Variants in SLC14A2 observed in about 807,000 individuals in gnomAD.
The protein encoded by SLC14A2 is urea transporter 2.
In SLC14A2, 91 loss-of-function variants were observed where a neutral mutation model predicts 104.6. That is an observed-to-expected ratio of 0.87 (90% CI 0.73 to 1.04). SLC14A2 has a LOEUF of 1.04. SLC14A2 is among the 50% of genes least tolerant of loss of function. The pLI is 0.00. For synonymous variants in SLC14A2, 476 were observed against 466.4 expected (o/e 1.02, Z -0.27); for missense variants, 1,189 against 1,156.0 (o/e 1.03, Z -0.41).
chr18:45,183,789 G>T, the SLC14A2 span, among the ~76,000 whole-genome samples: 1 of 151,272 alleles, frequency 6.6e-6, no homozygotes, highest in Non-Finnish European at 1.5e-5. Context: ...TGGATGGAGT[G>T]CAGTGGTGTG....
chr18:45,264,250 T>C (rs145559315), intron 1 of SLC14A2, among the ~76,000 whole-genome samples: 5 of 152,300 alleles, frequency 3.3e-5, no homozygotes, highest in African/African-American at 1.2e-4. Flanking sequence ...TCATTATTTA[T>C]TTATTTATTC....
At chr18:45,557,680 A>G (rs1052923967) in intron 2 of SLC14A2, among the ~76,000 whole-genome samples, 2 of 152,034 alleles carry the variant, frequency 1.3e-5, no homozygotes, top group East Asian at 3.9e-4. Context: ...TTGGGCCTGG[A>G]GTTTGTGAGT....
At chr18:45,572,056 C>A (rs2144338175) in intron 2 of SLC14A2, among the ~76,000 whole-genome samples, 1 of 152,214 alleles carries the variant, frequency 6.6e-6, no homozygotes, top group East Asian at 1.9e-4. Context: ...TTAAAGCTCC[C>A]CAGTGATTCT....
intron 1 of SLC14A2, among the ~76,000 whole-genome samples, chr18:45,322,670 T>G (rs1325759648): frequency 6.6e-6 from 1 of 152,230 alleles, no homozygotes. Context: ...AATGTTGTGT[T>G]GAACTCTCAT....
At chr18:45,615,768 G>A (rs2045055799) in intron 1 of SLC14A2, among the ~76,000 whole-genome samples, 186 bp downstream of exon 1, 1 of 151,960 alleles carries the variant, frequency 6.6e-6, no homozygotes, top group Admixed American at 6.5e-5. Flanking sequence ...CCACCTCGGG[G>A]CAGCTTGTGT....
intron 1 of SLC14A2, among the ~76,000 whole-genome samples, chr18:45,278,189 G>T (rs373911366): frequency 5.3e-5 from 8 of 152,204 alleles, no homozygotes; most frequent in African/African-American, 1.7e-4. Flanking sequence ...TCCTCATAGA[G>T]GGTGGGGTTT....
intron 1 of SLC14A2, among the ~76,000 whole-genome samples, chr18:45,451,883 C>T (rs374503092): frequency 6.6e-6 from 1 of 152,186 alleles, no homozygotes; most frequent in Non-Finnish European, 1.5e-5. Context: ...TTAATGATTG[C>T]TTCCCAATTT....
At chr18:45,316,056 A>C (rs1188114578) in intron 1 of SLC14A2, among the ~76,000 whole-genome samples, 1 of 152,154 alleles carries the variant, frequency 6.6e-6, no homozygotes, top group African/African-American at 2.4e-5. Context: ...GGCTATTCTC[A>C]GGGACCCCAG....
chr18:45,339,878 T>G (rs116879948), intron 1 of SLC14A2, among the ~76,000 whole-genome samples: 10 of 152,348 alleles, frequency 6.6e-5, no homozygotes, highest in Non-Finnish European at 7.3e-5. Flanking sequence ...CCAGGACAAC[T>G]GATGTAAACT....
At chr18:45,593,088 C>A (rs2044672430) in intron 2 of SLC14A2, among the ~76,000 whole-genome samples, 1 of 152,134 alleles carries the variant, frequency 6.6e-6, no homozygotes, top group African/African-American at 2.4e-5. Context: ...GAGGCCGAGG[C>A]AGGCGGATCA....
At chr18:45,519,579 A>G (rs1304821273) in intron 2 of SLC14A2, among the ~76,000 whole-genome samples, 1 of 152,198 alleles carries the variant, frequency 6.6e-6, no homozygotes, top group Non-Finnish European at 1.5e-5. Flanking sequence ...GTTAGCTGCT[A>G]GCTGAGGAAG....
chr18:45,367,466 T>A (rs2144343910), intron 1 of SLC14A2, among the ~76,000 whole-genome samples: 1 of 152,272 alleles, frequency 6.6e-6, no homozygotes, highest in East Asian at 1.9e-4. Flanking sequence ...ATGTAAAGAA[T>A]CTCATCTTCC....
At chr18:45,407,605 G>A (rs1057223667) in intron 1 of SLC14A2, among the ~76,000 whole-genome samples, 11 of 152,126 alleles carry the variant, frequency 7.2e-5, no homozygotes, top group African/African-American at 2.7e-4. Context: ...CCTTTGACAC[G>A]CCATCCTCAA....
intron 1 of SLC14A2, among the ~76,000 whole-genome samples, chr18:45,433,233 T>C (rs932010775): frequency 2.8e-4 from 43 of 152,220 alleles, no homozygotes; most frequent in African/African-American, 1.0e-3. Flanking sequence ...CAGTGGAGAA[T>C]ATAGTACCCC....
At chr18:45,569,891 T>C (rs2044321912) in intron 2 of SLC14A2, among the ~76,000 whole-genome samples, 1 of 152,180 alleles carries the variant, frequency 6.6e-6, no homozygotes, top group African/African-American at 2.4e-5. Flanking sequence ...GTTTGCAGCC[T>C]ACCCCCCTTC....
chr18:45,457,359 A>T (rs2086962509), intron 1 of SLC14A2, among the ~76,000 whole-genome samples: 2 of 152,082 alleles, frequency 1.3e-5, no homozygotes, highest in African/African-American at 2.4e-5. Flanking sequence ...CTGGTGGTGG[A>T]TTTAGAGAGA....
At chr18:45,248,545 C>G (rs1190239921) in intron 1 of SLC14A2, among the ~76,000 whole-genome samples, 1 of 152,012 alleles carries the variant, frequency 6.6e-6, no homozygotes, top group East Asian at 1.9e-4. Context: ...TGAGCTTGTT[C>G]AAACAAAGTC....
intron 2 of SLC14A2, among the ~76,000 whole-genome samples, chr18:45,494,282 A>G (rs943847593): frequency 1.3e-5 from 2 of 152,238 alleles, no homozygotes; most frequent in African/African-American, 4.8e-5. Flanking sequence ...TCCCTTCCTC[A>G]ACTCAGGCTA....
At chr18:45,333,603 G>A (rs1568155635) in intron 1 of SLC14A2, among the ~76,000 whole-genome samples, 1 of 152,176 alleles carries the variant, frequency 6.6e-6, no homozygotes, top group East Asian at 1.9e-4. Context: ...AATCTTTACT[G>A]AAGGCTCATG....
Sources: gnomAD v4.1 joint callset for allele counts (sites outside exome capture counted in the v4.1 genomes callset) on GRCh38, gnomAD v4.1.1 for gene constraint, MANE v1.5 for transcripts, NCBI Gene and HGNC (gene_info 2026-07-23, HGNC 2026-07-21) for gene names.